Variants in SAMD5 observed in about 807,000 individuals in gnomAD.
SAMD5 encodes sterile alpha motif domain containing 5.
A neutral mutation model predicts 11.3 loss-of-function variants in SAMD5; 13 were observed. The ratio of observed to expected loss-of-function variants is 1.15; its 90% CI spans 0.75 to 1.83. SAMD5 has a LOEUF of 1.83. Among genes scored for constraint, SAMD5 ranks in the 40% most tolerant of loss-of-function variants. The pLI is 0.00. For missense variants in SAMD5, 255 were observed against 239.1 expected (o/e 1.07, Z -0.44); for synonymous variants, 129 against 111.3 (o/e 1.16, Z -1.00).
At chr6:147,794,462 A>G in the SAMD5 span, among the ~76,000 whole-genome samples, 1 of 152,206 alleles carries the variant, frequency 6.6e-6, no homozygotes, top group Non-Finnish European at 1.5e-5. Context: ...ATTGCATCAT[A>G]TAAAAAGACT....
At chr6:147,883,114 G>A in the SAMD5 span, among the ~76,000 whole-genome samples, 1 of 152,144 alleles carries the variant, frequency 6.6e-6, no homozygotes, top group African/African-American at 2.4e-5. Flanking sequence ...GAGTTCTTTT[G>A]CATCTGTGCA....
the SAMD5 span, among the ~76,000 whole-genome samples, chr6:147,951,056 A>AT: frequency 6.6e-6 from 1 of 150,680 alleles, no homozygotes; most frequent in East Asian, 1.9e-4. Context: ...ACTTAAAAAA[A>AT]TTTTTCTCCC....
At chr6:147,797,484 G>T in the SAMD5 span, among the ~76,000 whole-genome samples, 1 of 82,806 alleles carries the variant, frequency 1.2e-5, no homozygotes, top group Non-Finnish European at 2.1e-5. Context: ...ATTTTATTGA[G>T]GATTTTTGCA....
the SAMD5 span, among the ~76,000 whole-genome samples, chr6:147,879,896 C>CGG: frequency 6.6e-6 from 1 of 152,170 alleles, no homozygotes; most frequent in Non-Finnish European, 1.5e-5. Flanking sequence ...TTGCACAACA[C>CGG]GGACCTGATG....
the SAMD5 span, among the ~76,000 whole-genome samples, chr6:147,909,639 T>TCTCTCTCTC: frequency 5.0e-5 from 7 of 138,934 alleles, no homozygotes; most frequent in African/African-American, 1.9e-4. Flanking sequence ...TTTCTCTTTC[T>TCTCTCTCTC]TGTCTTTTGT....
chr6:147,661,147 T>G (rs979455263), intron 1 of SAMD5, among the ~76,000 whole-genome samples: 1 of 152,138 alleles, frequency 6.6e-6, no homozygotes, highest in Non-Finnish European at 1.5e-5. Context: ...TCTACCAATT[T>G]TTTTTTCTTT....
At chr6:147,539,365 CAA>C (rs1213844416) in intron 1 of SAMD5, among the ~76,000 whole-genome samples, 1 of 152,156 alleles carries the variant, frequency 6.6e-6, no homozygotes, top group Non-Finnish European at 1.5e-5. Context: ...TCCAGGTGTG[CAA>C]AGAGTCAAGT....
chr6:147,830,257 T>C, the SAMD5 span, among the ~76,000 whole-genome samples: 3 of 120,038 alleles, frequency 2.5e-5, no homozygotes, highest in Admixed American at 7.7e-5. Flanking sequence ...CTTTCTTTTT[T>C]TTTTTTTTTT....
chr6:147,627,532 C>T (rs527789781), intron 1 of SAMD5, among the ~76,000 whole-genome samples: 1 of 152,320 alleles, frequency 6.6e-6, no homozygotes, highest in South Asian at 2.1e-4. Context: ...TTGATTGCCT[C>T]TGTACCTCTT....
intron 1 of SAMD5, among the ~76,000 whole-genome samples, chr6:147,624,865 C>T (rs1460023512): frequency 7.2e-6 from 1 of 139,298 alleles, no homozygotes; most frequent in Non-Finnish European, 1.5e-5. Flanking sequence ...TCCCAAAAAC[C>T]TATGGAAATA....
At chr6:147,812,536 T>C in the SAMD5 span, among the ~76,000 whole-genome samples, 1 of 149,880 alleles carries the variant, frequency 6.7e-6, no homozygotes, top group East Asian at 1.9e-4. Context: ...GGCAATCTAG[T>C]TTTTTTTTTA....
intron 1 of SAMD5, among the ~76,000 whole-genome samples, chr6:147,721,250 TC>T (rs1331471900): frequency 6.7e-6 from 1 of 149,702 alleles, no homozygotes; most frequent in East Asian, 2.0e-4. Context: ...TATTTCTAGT[TC>T]TAGATCCCTG....
At chr6:147,825,032 T>C in the SAMD5 span, among the ~76,000 whole-genome samples, 2 of 152,168 alleles carry the variant, frequency 1.3e-5, no homozygotes, top group Non-Finnish European at 2.9e-5. Flanking sequence ...CGGTGACTCA[T>C]GCCTGTAGTC....
chr6:147,745,624 CACAA>C, the SAMD5 span, among the ~76,000 whole-genome samples: 1 of 152,184 alleles, frequency 6.6e-6, no homozygotes, highest in Non-Finnish European at 1.5e-5. Flanking sequence ...GTGCCATTCT[CACAA>C]ACAGTGTTTT....
chr6:147,822,877 C>T, the SAMD5 span, among the ~76,000 whole-genome samples: 2 of 152,252 alleles, frequency 1.3e-5, no homozygotes, highest in African/African-American at 2.4e-5. Flanking sequence ...TGCAGTGGCA[C>T]GATCTCAGCT....
intron 1 of SAMD5, among the ~76,000 whole-genome samples, chr6:147,600,850 C>T (rs778702943): frequency 6.6e-5 from 10 of 152,142 alleles, no homozygotes; most frequent in Non-Finnish European, 1.0e-4. Flanking sequence ...GAGGCTATCT[C>T]GAATCAGCTT....
At chr6:147,773,927 C>T in the SAMD5 span, among the ~76,000 whole-genome samples, 1,274 of 152,226 alleles carry the variant, frequency 8.4e-3, 20 homozygotes, top group African/African-American at 0.029. Context: ...ATTGCAGCCT[C>T]GACCTCCCAG....
In SAMD5 at chr6:147,570,010, G is replaced by C. The variant is rs1414302121; in HGVS notation, c.*5554G>C. The C allele has an allele frequency of 2.2e-5, 22 of 985,236 alleles. No individual in the cohort carries two copies. The highest frequency in any genetic ancestry group is 2.5e-5 in the Non-Finnish European group (21 of 829,916). 61.0% of individuals were successfully genotyped at this position (985,236 alleles called of 1,614,324 possible). On this transcript the variant is annotated 3_prime_UTR_variant, in exon 2 of 2. Transcript: ENST00000367474. ...TGTCCGCTCTTCAATAAATGTTACG[G>C]CTTTCACAGCGGTTCCGCCTTGGCC...
chr6:147,923,417 C>T, the SAMD5 span, among the ~76,000 whole-genome samples: 2 of 152,146 alleles, frequency 1.3e-5, no homozygotes, highest in Non-Finnish European at 2.9e-5. Context: ...TAATTATCAC[C>T]ATTATATTGA....
Sources: allele counts gnomAD v4.1 joint callset (sites outside exome capture counted in the v4.1 genomes callset), GRCh38; gene constraint gnomAD v4.1.1; transcripts MANE v1.5; gene names NCBI Gene and HGNC (gene_info 2026-07-23, HGNC 2026-07-21).